NCOA7: variants seen among roughly 807,000 people sequenced by gnomAD.
The protein encoded by NCOA7 is 140 kDa estrogen receptor-associated protein.
In NCOA7, 45 loss-of-function variants were observed where a neutral mutation model predicts 104.3. The observed-to-expected ratio is 0.43, with a 90% CI of 0.34 to 0.55. The LOEUF is 0.55. NCOA7 is among the 20% of genes least tolerant of loss of function. NCOA7 has a pLI of 0.02. For synonymous variants in NCOA7, 398 were observed against 402.3 expected, an observed-to-expected ratio of 0.99 and a Z score of 0.13; for missense variants, 1,041 against 1,119.7, an observed-to-expected ratio of 0.93 and a Z score of 1.00.
chr6:125,905,341 A>G (rs1172632176), intron 10 of NCOA7, among the ~76,000 whole-genome samples: 1 of 145,894 alleles, frequency 6.9e-6, no homozygotes, highest in African/African-American at 2.6e-5. Context: ...ATTGCAACCT[A>G]TGCCTCCGGG....
chr6:125,874,181 C>G (rs1005879224), intron 3 of NCOA7, among the ~76,000 whole-genome samples: 1 of 152,100 alleles, frequency 6.6e-6, no homozygotes, highest in Non-Finnish European at 1.5e-5. Context: ...AAAAATTAGC[C>G]GGACATGGTG....
At chr6:125,833,813 C>T (rs1043488761) in intron 2 of NCOA7, among the ~76,000 whole-genome samples, 2 of 152,054 alleles carry the variant, frequency 1.3e-5, no homozygotes, top group East Asian at 1.9e-4. Context: ...TATCCCTGAC[C>T]TCCTCTCACT....
rs77848636 is a variant in NCOA7, at chr6:125,918,050, C to T, written c.2244+2570C>T. On this transcript the variant is annotated intron_variant, in intron 11 of 15. Coordinates refer to ENST00000392477, the MANE Select transcript of NCOA7 (RefSeq NM_181782.5). ...TTTACATTGTCCAGGTGAGGGAGAC[C>T]ACCTGGGGAGACAGCTGTTTAGAAA... Among the ~76,000 whole-genome samples the T allele has an allele frequency of 5.2e-3, 792 of 152,206 alleles. 8 individuals carry two copies. The highest frequency in any genetic ancestry group is 0.018 in the African/African-American group (762 of 41,538).
At chr6:125,827,216 A>T (rs966526467) in intron 2 of NCOA7, among the ~76,000 whole-genome samples, 2 of 143,984 alleles carry the variant, frequency 1.4e-5, no homozygotes, top group Non-Finnish European at 3.0e-5. Context: ...AAAAAAAAAA[A>T]GTGAGAGTGA....
chr6:125,803,136 A>G (rs539414925), intron 1 of NCOA7, among the ~76,000 whole-genome samples: 36 of 152,278 alleles, frequency 2.4e-4, no homozygotes, highest in African/African-American at 7.9e-4. Flanking sequence ...TACAGATTTC[A>G]TTGTTGATTG....
chr6:125,824,916 A>G (rs1409264781), intron 2 of NCOA7, among the ~76,000 whole-genome samples: 1 of 151,994 alleles, frequency 6.6e-6, no homozygotes, highest in Non-Finnish European at 1.5e-5. Context: ...CTGCCACCAC[A>G]CCCAGCTAAT....
At chr6:125,785,612 C>A (rs1774430790) in intron 1 of NCOA7, among the ~76,000 whole-genome samples, 1 of 152,030 alleles carries the variant, frequency 6.6e-6, no homozygotes, top group Admixed American at 6.6e-5. Context: ...GGATTCATTT[C>A]AAAATTTTAA....
chr6:125,877,807 C>T (rs993142618), intron 4 of NCOA7, among the ~76,000 whole-genome samples: 1 of 152,152 alleles, frequency 6.6e-6, no homozygotes, highest in Non-Finnish European at 1.5e-5. Flanking sequence ...GTGCTGAGCC[C>T]AGGAGAAAAC....
At chr6:125,923,517 C>G (rs927304693) in intron 13 of NCOA7, among the ~76,000 whole-genome samples, 2 of 152,186 alleles carry the variant, frequency 1.3e-5, no homozygotes, top group African/African-American at 4.8e-5. Flanking sequence ...GGTCACTTTC[C>G]TGTCAGTCTC....
At chr6:125,785,455 G>A in intron 1 of NCOA7, among the ~76,000 whole-genome samples, 1 of 152,084 alleles carries the variant, frequency 6.6e-6, no homozygotes. Flanking sequence ...AAAACTAGGA[G>A]GAAACACAGG....
At position 125,889,455 on chromosome 6, in the gene NCOA7, A is replaced by G; in HGVS notation, c.1401A>G (p.Leu467=). 1.2e-6 allele frequency: 2 copies of G among 1,614,130 alleles called. No individual in the cohort carries two copies. The highest frequency in any genetic ancestry group is 1.7e-6 in the Non-Finnish European group (2 of 1,180,008). Residue 467 remains leucine, a synonymous_variant, in exon 9 of 16, where the codon CTA becomes CTG. Transcript: ENST00000392477. ...SAVEMQVQSA[L]AFLGTENDVE... is the part of the protein sequence containing the mutation. ...TGGAAATGCAGGTGCAGTCAGCCCT[A>G]GCCTTTTTGGGAACAGAGAATGATG...
intron 2 of NCOA7, among the ~76,000 whole-genome samples, chr6:125,847,578 A>G (rs1780736343): frequency 6.6e-6 from 1 of 152,206 alleles, no homozygotes; most frequent in African/African-American, 2.4e-5. Flanking sequence ...AGTTCAGTAC[A>G]TTTTAAATTA....
chr6:125,846,611 T>C lies in NCOA7; in HGVS notation c.51-8409T>C, dbSNP rs371295670. ...GAGTGCACAATCCATTGAAGCCCAC[T>C]AAATTTTCAGGCCCCCACATAGTTT... is the stretch of plus-strand genomic sequence containing the variant. On this transcript the variant is annotated intron_variant, in intron 2 of 15. Coordinates refer to ENST00000392477, the MANE Select transcript of NCOA7 (RefSeq NM_181782.5). Among the ~76,000 whole-genome samples, 23 of 152,324 alleles carry C rather than the reference T, an allele frequency of 1.5e-4. No homozygotes were observed. The South Asian group carries it at 4.8e-3, about 32-fold the overall frequency.
intron 4 of NCOA7, among the ~76,000 whole-genome samples, chr6:125,875,813 T>C (rs1369263054): frequency 6.6e-6 from 1 of 152,242 alleles, no homozygotes; most frequent in African/African-American, 2.4e-5. Context: ...TTCACCATTA[T>C]ATTCCTGGTA....
chr6:125,837,841 A>G (rs1276126844), intron 2 of NCOA7, among the ~76,000 whole-genome samples: 1 of 152,242 alleles, frequency 6.6e-6, no homozygotes, highest in African/African-American at 2.4e-5. Context: ...TGGAAAGTCC[A>G]GACCAGGGAA....
At chr6:125,842,042 T>G (rs182303555) in intron 2 of NCOA7, among the ~76,000 whole-genome samples, 2 of 152,320 alleles carry the variant, frequency 1.3e-5, no homozygotes, top group East Asian at 3.9e-4. Flanking sequence ...AGAGTTTATT[T>G]TTTAAAGTTG....
In NCOA7 at chr6:125,824,061, GT is replaced by G. The variant is rs531706883; in HGVS notation, c.50+8667del. The stretch of plus-strand genomic sequence containing the variant: ...AATTGTTAGCATATTGGGAGTGAGG[GT>G]TTTTTTTTTATCATTCAAAAATGAA... On this transcript the variant is annotated intron_variant, in intron 2 of 15. Transcript: ENST00000392477. 1.2e-3 allele frequency among the ~76,000 whole-genome samples: 174 copies of G among 147,134 alleles called. 1 individual carries two copies. The highest frequency in any genetic ancestry group is 1.8e-3 in the Admixed American group (27 of 14,708).
chr6:125,919,210 G>A lies in NCOA7; in HGVS notation c.2245-1733G>A, dbSNP rs1175500495. On this transcript the variant is annotated intron_variant, in intron 11 of 15. Coordinates refer to ENST00000392477, the MANE Select transcript of NCOA7 (RefSeq NM_181782.5). ...TAGAAATGTTGAAACTTCTCCTGAG[G>A]GAAACAGAAACTCAATCATGCAGGA... is the stretch of plus-strand genomic sequence containing the variant. 3.2e-6 allele frequency: 5 copies of A among 1,567,552 alleles called. No individual in the cohort carries two copies. The Admixed American group carries it at 7.2e-5, about 23-fold the overall frequency.
chr6:125,802,387 C>A (rs979044367), intron 1 of NCOA7: 1 of 152,138 alleles, frequency 6.6e-6, no homozygotes, highest in Non-Finnish European at 1.5e-5. Context: ...AAGCCGGATG[C>A]CAAAGCTGAG....
Sources: gnomAD v4.1 joint callset for allele counts (sites outside exome capture counted in the v4.1 genomes callset) on GRCh38, gnomAD v4.1.1 for gene constraint, MANE v1.5 for transcripts, NCBI Gene and HGNC (gene_info 2026-07-23, HGNC 2026-07-21) for gene names.